The following PLA2R1 variants were observed in gnomAD, a reference collection of about 807,000 sequenced individuals.
PLA2R1 encodes phospholipase A2 receptor 1, also known as secretory phospholipase A2 receptor.
In PLA2R1, 158 loss-of-function variants were observed where a neutral mutation model predicts 195.9. The ratio of observed to expected loss-of-function variants is 0.81; its 90% CI spans 0.71 to 0.92. The LOEUF is 0.92. Ranked by LOEUF, PLA2R1 falls within the 40% of genes least tolerant of loss-of-function variation. PLA2R1 has a pLI of 0.00. For synonymous variants in PLA2R1, 586 were observed against 598.2 expected, an observed-to-expected ratio of 0.98 and a Z score of 0.30; for missense variants, 1,626 against 1,764.6, an observed-to-expected ratio of 0.92 and a Z score of 1.41.
chr2:159,924,706 C>A, the PLA2R1 span, among the ~76,000 whole-genome samples: 1 of 116,660 alleles, frequency 8.6e-6, no homozygotes, highest in East Asian at 2.8e-4. Context: ...ACCTAGAAAA[C>A]AGTTTTCTTT....
At chr2:159,992,362 C>T (rs1188816836) in intron 11 of PLA2R1, among the ~76,000 whole-genome samples, 1 of 151,238 alleles carries the variant, frequency 6.6e-6, no homozygotes, top group Non-Finnish European at 1.5e-5. Flanking sequence ...CATTCTTATA[C>T]ACCAACAACA....
chr2:159,924,741 G>A, the PLA2R1 span, among the ~76,000 whole-genome samples: 10 of 148,098 alleles, frequency 6.8e-5, no homozygotes, highest in African/African-American at 2.5e-4. Flanking sequence ...GGGGGGGGGC[G>A]GTGCGAACAA....
At chr2:159,993,745 C>T (rs1574757469) in intron 11 of PLA2R1, among the ~76,000 whole-genome samples, 3 of 151,946 alleles carry the variant, frequency 2.0e-5, no homozygotes, top group Admixed American at 1.3e-4. Flanking sequence ...AAGGATGGGG[C>T]AATTTGAGCA....
intron 11 of PLA2R1, among the ~76,000 whole-genome samples, chr2:160,004,329 T>G (rs976444534): frequency 6.6e-6 from 1 of 152,240 alleles, no homozygotes. Context: ...ATTCATGATT[T>G]CATCGTTGAA....
intron 11 of PLA2R1, among the ~76,000 whole-genome samples, chr2:159,989,320 G>A (rs1180588415): frequency 6.6e-6 from 1 of 152,222 alleles, no homozygotes; most frequent in African/African-American, 2.4e-5. Context: ...AAGAGATGCT[G>A]CATGCTCTGT....
chr2:160,048,194 A>C (rs1695002603), intron 1 of PLA2R1, among the ~76,000 whole-genome samples: 1 of 152,224 alleles, frequency 6.6e-6, no homozygotes, highest in South Asian at 2.1e-4. Flanking sequence ...CAGAAATTGG[A>C]ACTTCTGTAG....
chr2:159,987,453 A>C, intron 11 of PLA2R1, 95 bp from the exon 12 acceptor site: 2 of 814,554 alleles, frequency 2.5e-6, no homozygotes, highest in Non-Finnish European at 4.0e-6. Context: ...TTGACATCTC[A>C]TAATTAAGCA....
intron 10 of PLA2R1, among the ~76,000 whole-genome samples, chr2:160,009,373 T>C (rs2357769): frequency 0.2 from 30,653 of 152,200 alleles, 3,496 homozygotes; most frequent in Admixed American, 0.35. Flanking sequence ...TGAATTAGCC[T>C]TAAAACAGAA....
chr2:159,940,411 T>A lies in PLA2R1; in HGVS notation c.*1367A>T, dbSNP rs1251860665. 1 of 152,244 alleles carries A rather than the reference T, an allele frequency of 6.6e-6. No homozygotes were observed. Among genetic ancestry groups the A allele is most frequent in the East Asian group, 1.9e-4 (1 of 5,202 alleles). The allele number at this position is 152,244 out of a possible 1,614,324, so 9.4% of individuals were successfully genotyped here. Reference sequence around the variant, plus strand: ...CTCTGTTTCTAGAACAGCACTTTTTTGAGGTGGGGTCTCATTCAGTTGCCC... The same window carrying A: ...CTCTGTTTCTAGAACAGCACTTTTTAGAGGTGGGGTCTCATTCAGTTGCCC... On this transcript the variant is annotated 3_prime_UTR_variant, in exon 30 of 30. Coordinates refer to ENST00000283243, the MANE Select transcript of PLA2R1 (RefSeq NM_007366.5).
At chr2:160,061,240 G>A (rs1032096661) in intron 1 of PLA2R1, among the ~76,000 whole-genome samples, 1 of 152,258 alleles carries the variant, frequency 6.6e-6, no homozygotes, top group Middle Eastern at 3.4e-3. Flanking sequence ...TGCATATATG[G>A]ACTTCTGCAC....
Position 159,976,666 on chromosome 2 carries a change from C to G in PLA2R1, c.2437+19G>C, listed in dbSNP as rs1689578345. The G allele has an allele frequency of 6.5e-7, 1 of 1,528,540 alleles. No homozygotes were observed. The highest frequency in any genetic ancestry group is 1.4e-5 in the African/African-American group (1 of 73,324). 94.7% of individuals were successfully genotyped at this position (1,528,540 alleles called of 1,614,324 possible). ...ATATTAATAATTAGAAATTCAAGAG[C>G]TGCCAGAGTCATTCTTACCGTACTG... is the stretch of plus-strand genomic sequence containing the variant. On this transcript the variant is annotated intron_variant, in intron 16 of 29. Transcript: ENST00000283243.
intron 18 of PLA2R1, among the ~76,000 whole-genome samples, chr2:159,969,675 T>G (rs954362369): frequency 2.0e-5 from 3 of 152,126 alleles, no homozygotes; most frequent in African/African-American, 7.2e-5. Flanking sequence ...CCCAAGTAGC[T>G]GGGTCTACAG....
At chr2:159,983,530 G>A (rs35862893) in intron 13 of PLA2R1, among the ~76,000 whole-genome samples, 2 of 151,148 alleles carry the variant, frequency 1.3e-5, no homozygotes, top group African/African-American at 4.9e-5. Context: ...GAGCTGGTCA[G>A]AGCCGCTCTG....
chr2:160,036,631 A>C (rs1694179505), intron 3 of PLA2R1, among the ~76,000 whole-genome samples: 1 of 152,202 alleles, frequency 6.6e-6, no homozygotes, highest in South Asian at 2.1e-4. Flanking sequence ...CCTTGGGCCA[A>C]GGTCCTCTTC....
chr2:160,059,212 T>C (rs1695785220), intron 1 of PLA2R1, among the ~76,000 whole-genome samples: 1 of 152,182 alleles, frequency 6.6e-6, no homozygotes, highest in South Asian at 2.1e-4. Flanking sequence ...GAAGCCTCTT[T>C]TGTTCACTGT....
intron 17 of PLA2R1, among the ~76,000 whole-genome samples, chr2:159,970,934 A>G (rs1238303042): frequency 8.2e-6 from 1 of 122,066 alleles, no homozygotes; most frequent in Admixed American, 9.8e-5. Flanking sequence ...GGGGAACATC[A>G]CACACTGGGG....
At chr2:159,998,247 A>G (rs917373406) in intron 11 of PLA2R1, among the ~76,000 whole-genome samples, 33 of 152,214 alleles carry the variant, frequency 2.2e-4, no homozygotes, top group African/African-American at 7.7e-4. Context: ...TTTCTCTGCA[A>G]TAAGAAAGTC....
At chr2:159,969,385 G>A (rs371594184) in intron 18 of PLA2R1, 26 bp from the exon 19 acceptor site, 1 of 1,269,298 alleles carries the variant, frequency 7.9e-7, no homozygotes, top group Non-Finnish European at 1.2e-6. Flanking sequence ...AAATGTTAAG[G>A]TCTTCTCTCA....
At chr2:160,030,038 A>AT (rs1400744327) in intron 4 of PLA2R1, among the ~76,000 whole-genome samples, 15 of 152,220 alleles carry the variant, frequency 9.9e-5, no homozygotes, top group African/African-American at 3.4e-4. Context: ...CAGAATAATT[A>AT]TTAATCACAG....
Sources: allele counts gnomAD v4.1 joint callset (sites outside exome capture counted in the v4.1 genomes callset), GRCh38; gene constraint gnomAD v4.1.1; transcripts MANE v1.5; gene names NCBI Gene and HGNC (gene_info 2026-07-23, HGNC 2026-07-21).